Variants in LRP5 observed in about 807,000 individuals in gnomAD.
The protein encoded by LRP5 is LDL receptor related protein 5.
A neutral mutation model predicts 154.1 loss-of-function variants in LRP5; 62 were observed. That is an observed-to-expected ratio of 0.40 (90% CI 0.33 to 0.50). The LOEUF (loss-of-function observed/expected upper bound fraction) is 0.50, where lower values mean the gene tolerates loss of function less well. Among genes scored for constraint, LRP5 ranks in the 20% least tolerant of loss-of-function variants. The pLI is 0.55. For missense variants in LRP5, 1,915 were observed against 2,336.7 expected, an observed-to-expected ratio of 0.82 and a Z score of 3.72; for synonymous variants, 966 against 1,011.5, an observed-to-expected ratio of 0.96 and a Z score of 0.85.
chr11:68,303,814 C>A, the LRP5 span, among the ~76,000 whole-genome samples: 1 of 152,198 alleles, frequency 6.6e-6, no homozygotes, highest in African/African-American at 2.4e-5. Context: ...AGCAGCAAAG[C>A]ATTCAAGATG....
chr11:68,303,820 A>G, the LRP5 span, among the ~76,000 whole-genome samples: 1 of 152,236 alleles, frequency 6.6e-6, no homozygotes, highest in Non-Finnish European at 1.5e-5. Context: ...AAAGCATTCA[A>G]GATGTGGCCC....
chr11:68,321,998 G>A (rs1268363520), intron 1 of LRP5, among the ~76,000 whole-genome samples: 1 of 152,212 alleles, frequency 6.6e-6, no homozygotes, highest in Non-Finnish European at 1.5e-5. Flanking sequence ...GGGACCTGAA[G>A]CTTAACGTCC....
chr11:68,399,917 C>T (rs2098651696), intron 7 of LRP5, among the ~76,000 whole-genome samples: 1 of 152,206 alleles, frequency 6.6e-6, no homozygotes. Context: ...CTGATGTTTT[C>T]CCAGTTGGCC....
intron 5 of LRP5, among the ~76,000 whole-genome samples, chr11:68,371,364 A>C (rs2098633914): frequency 6.6e-6 from 1 of 152,172 alleles, no homozygotes; most frequent in South Asian, 2.1e-4. Flanking sequence ...CCTAGCATTG[A>C]AGCTGGTGAG....
At position 68,386,656 on chromosome 11, in the gene LRP5, C is replaced by A. The variant is rs2098643243; in HGVS notation, c.1356C>A (p.Ile452=). ...GCCTCAACGGCACCTCCCGCAAGAT[C>A]CTGGTGTCGGAGGACCTGGACGAGC... ...VTRLNGTSRK[I]LVSEDLDEPR... Residue 452 remains isoleucine (I), a synonymous_variant, in exon 6 of 23, where the codon ATC becomes ATA. Transcript: ENST00000294304. The surrounding 1 kb of genome is among the most constrained non-coding windows in gnomAD (Gnocchi z 7.9). 1 of 1,613,496 alleles carries A rather than the reference C, an allele frequency of 6.2e-7. No individual in the cohort carries two copies. The highest frequency in any genetic ancestry group is 1.3e-5 in the African/African-American group (1 of 74,946).
chr11:68,445,081 T>C (rs2098680684), intron 21 of LRP5, among the ~76,000 whole-genome samples: 1 of 151,972 alleles, frequency 6.6e-6, no homozygotes, highest in Non-Finnish European at 1.5e-5. Flanking sequence ...TTTATTACTT[T>C]ATTTTATTAT....
intron 20 of LRP5, 81 bp from the exon 21 acceptor site, chr11:68,439,696 C>T: frequency 6.9e-7 from 1 of 1,452,652 alleles, no homozygotes; most frequent in Non-Finnish European, 9.5e-7. Flanking sequence ...GTAGTGGGAG[C>T]AGAGGAGAGC....
chr11:68,373,875 G>A (rs563895970), intron 5 of LRP5, among the ~76,000 whole-genome samples: 1 of 152,286 alleles, frequency 6.6e-6, no homozygotes, highest in Admixed American at 6.5e-5. Context: ...TTTGTCTCCT[G>A]CACATCCCTC....
At chr11:68,392,795 T>A (rs183565637) in intron 7 of LRP5, among the ~76,000 whole-genome samples, 1 of 152,072 alleles carries the variant, frequency 6.6e-6, no homozygotes, top group Non-Finnish European at 1.5e-5. Flanking sequence ...TAGCATTGTG[T>A]TTTCCAGATT....
intron 21 of LRP5, among the ~76,000 whole-genome samples, chr11:68,440,917 T>A (rs190868048): frequency 1.3e-5 from 2 of 152,118 alleles, no homozygotes; most frequent in Admixed American, 1.3e-4. Flanking sequence ...TACAGGCATG[T>A]GCCACCACGC....
At chr11:68,322,086 TC>T (rs1161830696) in intron 1 of LRP5, among the ~76,000 whole-genome samples, 1 of 152,196 alleles carries the variant, frequency 6.6e-6, no homozygotes, top group Non-Finnish European at 1.5e-5. Context: ...CTCCAAACTT[TC>T]CCCCAGAGCG....
chr11:68,308,558 G>T (rs1192177344), upstream of LRP5, among the ~76,000 whole-genome samples: 2 of 152,166 alleles, frequency 1.3e-5, no homozygotes, highest in East Asian at 3.8e-4. Flanking sequence ...ACATCCTCCG[G>T]TTACTTATTA....
At chr11:68,325,092 G>A (rs1196890044) in intron 1 of LRP5, among the ~76,000 whole-genome samples, 2 of 152,170 alleles carry the variant, frequency 1.3e-5, no homozygotes, top group East Asian at 3.9e-4. Flanking sequence ...ATACCACCAC[G>A]CCCATCACCC....
Position 68,312,815 on chromosome 11 carries a change from C to A in LRP5, c.91+10C>A. On this transcript the variant is annotated intron_variant, in intron 1 of 22. Coordinates refer to ENST00000294304, the MANE Select transcript of LRP5 (RefSeq NM_002335.4). ...CCGGCCCCCGCCGCGGGTAGGTGGGCGCAGGCCGGCCGGGGGCCGCGGGTT... is the reference window on the plus strand; with the variant it reads ...CCGGCCCCCGCCGCGGGTAGGTGGGAGCAGGCCGGCCGGGGGCCGCGGGTT... 9.6e-7 allele frequency: 1 copy of A among 1,041,238 alleles called. No individual in the cohort carries two copies. The highest frequency in any genetic ancestry group is 1.2e-6 in the Non-Finnish European group (1 of 867,750). The allele number at this position is 1,041,238 out of a possible 1,614,324, so 64.5% of individuals were successfully genotyped here. A position where few individuals can be genotyped will look rare whatever the true frequency, so the allele number is the denominator to read the frequency against.
rs1390411192 is a variant in LRP5, at chr11:68,423,639, G to T, written c.3178G>T (p.Val1060Leu). The T allele has an allele frequency of 3.7e-6, 6 of 1,614,136 alleles. No individual in the cohort carries two copies. Among genetic ancestry groups the T allele is most frequent in the Non-Finnish European group, 5.1e-6 (6 of 1,180,028 alleles). The stretch of plus-strand genomic sequence containing the variant: ...CAGGCTGAGCGGGGAAGCCATGGGG[G>T]TGGTGCTGCGTGGGGACCGCGACAA... ...VHRLSGEAMGVVLRGDRDKPR... is the reference protein window; with the variant it reads ...VHRLSGEAMGLVLRGDRDKPR... The change falls in exon 14 of 23, where the codon GTG becomes TTG. Residue 1060 changes from valine (V) to leucine (L), a missense_variant. Around this residue, in one of 3 missense-constraint regions of LRP5, gnomAD observed 1,094 missense variants for 1,210.1 expected, o/e 0.90. Coordinates refer to ENST00000294304, the MANE Select transcript of LRP5 (RefSeq NM_002335.4). The surrounding 1 kb of genome is among the most constrained non-coding windows in gnomAD (Gnocchi z 4.7).
In LRP5 at chr11:68,374,731, G is replaced by A. The variant is rs1457363305; in HGVS notation, c.1015+9029G>A. ...CTGACTTCTATCACCTTGGATTAGC[G>A]TTGCCTGTTCCAGAACTACATGGAA... On this transcript the variant is annotated intron_variant, in intron 5 of 22. Transcript: ENST00000294304. Among the ~76,000 whole-genome samples the A allele has an allele frequency of 6.6e-5, 10 of 152,076 alleles. 1 individual carries two copies. Among genetic ancestry groups the A allele is most frequent in the South Asian group, 6.2e-4 (3 of 4,822 alleles).
At chr11:68,395,986 C>T (rs903801609) in intron 7 of LRP5, among the ~76,000 whole-genome samples, 15 of 152,142 alleles carry the variant, frequency 9.9e-5, no homozygotes, top group Non-Finnish European at 1.8e-4. Flanking sequence ...CTGCTGTGGA[C>T]CCCCATCTCA....
chr11:68,347,150 T>C (rs1396995656), intron 1 of LRP5, among the ~76,000 whole-genome samples: 1 of 152,186 alleles, frequency 6.6e-6, no homozygotes, highest in Admixed American at 6.5e-5. Flanking sequence ...GGGTCTGACC[T>C]TGTTCTGCAT....
At chr11:68,433,958 A>G in intron 18 of LRP5, 120 bp downstream of exon 18, 1 of 966,984 alleles carries the variant, frequency 1.0e-6, no homozygotes, top group Non-Finnish European at 1.6e-6. Flanking sequence ...TTGCAGGGAG[A>G]TTGCCAAGTC....
Sources: gnomAD v4.1 joint callset for allele counts (sites outside exome capture counted in the v4.1 genomes callset) on GRCh38, gnomAD v4.1.1 for gene constraint, gnomAD v4.1.1 regional missense constraint, Gnocchi (gnomAD v3.1) non-coding constraint, MANE v1.5 for transcripts, NCBI Gene and HGNC (gene_info 2026-07-23, HGNC 2026-07-21) for gene names.